The following OXR1 variants were observed in gnomAD, a reference collection of about 807,000 sequenced individuals.
OXR1 encodes the protein oxidation resistance 1, also known as oxidation resistance protein 1.
Under a neutral mutation model 104.6 loss-of-function variants are expected in OXR1, and 41 were observed. The ratio of observed to expected loss-of-function variants is 0.39; its 90% CI spans 0.31 to 0.51. The LOEUF is 0.51. Among genes scored for constraint, OXR1 ranks in the 20% least tolerant of loss-of-function variants. The probability of loss-of-function intolerance (pLI) is 0.77; values close to 1 mark genes in which losing one functional copy is unlikely to be tolerated. For synonymous variants in OXR1, 348 were observed against 348.4 expected (o/e 1.00, Z 0.01); for missense variants, 955 against 1,031.9 (o/e 0.93, Z 1.02).
chr8:106,718,585 A>G (rs1206974892), intron 11 of OXR1, among the ~76,000 whole-genome samples: 1 of 151,956 alleles, frequency 6.6e-6, no homozygotes, highest in Non-Finnish European at 1.5e-5. Context: ...CACGCCTGTA[A>G]TCCCAGCACT....
At chr8:106,738,942 C>T (rs938000164) in intron 12 of OXR1, among the ~76,000 whole-genome samples, 7 of 151,958 alleles carry the variant, frequency 4.6e-5, no homozygotes, top group Non-Finnish European at 1.0e-4. Context: ...CAAATACATG[C>T]ACAACTCACA....
chr8:106,492,994 C>T (rs1221801978), intron 2 of OXR1, among the ~76,000 whole-genome samples: 2 of 152,002 alleles, frequency 1.3e-5, no homozygotes, highest in Non-Finnish European at 2.9e-5. Context: ...TTCTGGAAAG[C>T]TGTAGTTATA....
chr8:106,347,237 A>G (rs927444136), intron 1 of OXR1, among the ~76,000 whole-genome samples: 6 of 152,216 alleles, frequency 3.9e-5, no homozygotes, highest in Admixed American at 6.5e-5. Flanking sequence ...TAAAGAAGAA[A>G]ACATTTTCCT....
chr8:106,646,501 A>T (rs920406835), intron 3 of OXR1, among the ~76,000 whole-genome samples: 2 of 152,220 alleles, frequency 1.3e-5, no homozygotes, highest in African/African-American at 4.8e-5. Flanking sequence ...AATAATTTCA[A>T]TAAAGTACTT....
At chr8:106,368,262 A>G (rs1442181323) in intron 2 of OXR1, among the ~76,000 whole-genome samples, 1 of 152,162 alleles carries the variant, frequency 6.6e-6, no homozygotes, top group African/African-American at 2.4e-5. Context: ...ATATAATAAA[A>G]AAAGAAAAGA....
chr8:106,685,020 T>C (rs1992356279), intron 6 of OXR1, among the ~76,000 whole-genome samples: 1 of 152,124 alleles, frequency 6.6e-6, no homozygotes, highest in Admixed American at 6.5e-5. Context: ...TTTTTCTGCA[T>C]GTGTGTGTGT....
chr8:106,589,141 G>C (rs146649891), intron 3 of OXR1, among the ~76,000 whole-genome samples: 2 of 152,294 alleles, frequency 1.3e-5, no homozygotes, highest in East Asian at 1.9e-4. Flanking sequence ...GGGAGAGAGC[G>C]AGCAGGTGCT....
chr8:106,702,972 C>A lies in OXR1; in HGVS notation c.742C>A (p.Pro248Thr). The A allele has an allele frequency of 6.2e-7, 1 of 1,613,450 alleles. No individual in the cohort carries two copies. The highest frequency in any genetic ancestry group is 8.5e-7 in the Non-Finnish European group (1 of 1,179,522). The stretch of plus-strand genomic sequence containing the variant: ...AATGTTTGATCCACATAAAAATGAC[C>A]CTTTGGTTCAAGAGAATGGCTGTGA... ...NIMFDPHKND[P>T]LVQENGCEEY... Residue 248 changes from proline (P) to threonine (T), a missense_variant, in exon 8 of 17, where the codon CCT becomes ACT. Coordinates refer to ENST00000517566, the MANE Select transcript of OXR1 (RefSeq NM_001198533.2).
chr8:106,702,280 TA>T (rs1314986897), intron 7 of OXR1, among the ~76,000 whole-genome samples: 5 of 152,138 alleles, frequency 3.3e-5, no homozygotes, highest in African/African-American at 1.2e-4. Context: ...TTTATATAAA[TA>T]TATTTAAAAT....
At chr8:106,491,733 T>C (rs1453225) in intron 2 of OXR1, among the ~76,000 whole-genome samples, 16,228 of 152,200 alleles carry the variant, frequency 0.11, 943 homozygotes, top group African/African-American at 0.14. Context: ...CTAATGTGTG[T>C]GACTTCTGGC....
intron 1 of OXR1, among the ~76,000 whole-genome samples, chr8:106,348,312 C>A (rs1029655217): frequency 6.6e-6 from 1 of 152,256 alleles, no homozygotes; most frequent in African/African-American, 2.4e-5. Flanking sequence ...AACACACACG[C>A]ACACACCCCT....
At chr8:106,295,363 G>C (rs1812949282) in intron 1 of OXR1, among the ~76,000 whole-genome samples, 1 of 151,986 alleles carries the variant, frequency 6.6e-6, no homozygotes, top group Non-Finnish European at 1.5e-5. Context: ...GGACATTATA[G>C]TATATATTGT....
intron 6 of OXR1, among the ~76,000 whole-genome samples, chr8:106,688,941 T>C (rs527675211): frequency 6.6e-6 from 1 of 152,228 alleles, no homozygotes; most frequent in South Asian, 2.1e-4. Flanking sequence ...TTATAGGAAC[T>C]AGGAAGTTTG....
chr8:106,270,537 G>A (rs1811752352), intron 1 of OXR1, among the ~76,000 whole-genome samples, 170 bp downstream of exon 1: 2 of 152,228 alleles, frequency 1.3e-5, no homozygotes, highest in Non-Finnish European at 2.9e-5. Flanking sequence ...TGGCCATTGG[G>A]ATGCTCGAGC....
At chr8:106,428,145 A>G (rs948485982) in intron 2 of OXR1, among the ~76,000 whole-genome samples, 3 of 152,194 alleles carry the variant, frequency 2.0e-5, no homozygotes, top group African/African-American at 7.2e-5. Context: ...GAAGAAATCT[A>G]GAACTGGGAA....
chr8:106,281,521 T>C (rs1812281222), intron 1 of OXR1, among the ~76,000 whole-genome samples: 1 of 152,122 alleles, frequency 6.6e-6, no homozygotes, highest in Non-Finnish European at 1.5e-5. Context: ...GACAGTTATA[T>C]GCCAGGTGCG....
In OXR1 at chr8:106,484,434, T is replaced by C. The variant is rs1423327171; in HGVS notation, c.24-34509T>C. Among the ~76,000 whole-genome samples the C allele has an allele frequency of 4.6e-5, 7 of 151,938 alleles. 1 individual carries two copies. The East Asian group carries it at 1.2e-3, about 25-fold the overall frequency. On this transcript the variant is annotated intron_variant, in intron 2 of 16. Transcript: ENST00000517566. ...CCATAAACATGTATTAATACAACTA[T>C]TATGTATTCATAATAATTAAAATCT...
At chr8:106,722,952 T>G (rs1832952512) in intron 11 of OXR1, among the ~76,000 whole-genome samples, 1 of 152,224 alleles carries the variant, frequency 6.6e-6, no homozygotes, top group South Asian at 2.1e-4. Context: ...TATGTTATCT[T>G]AAAGTTGTTA....
rs574365134 is a variant in OXR1 at position 106,416,727 on chromosome 8, G to A, written c.23+57091G>A. Among the ~76,000 whole-genome samples, 51 of 151,970 alleles carry A rather than the reference G, an allele frequency of 3.4e-4. 1 individual carries two copies. Among genetic ancestry groups the A allele is most frequent in the Non-Finnish European group, 6.6e-4 (45 of 67,974 alleles). ...GTGAGGTATGAAGCATATTTGGCCT[G>A]GTGAGAATGCATAAATCTGGCCAAT... On this transcript the variant is annotated intron_variant, in intron 2 of 16. Transcript: ENST00000517566.
Sources: allele counts gnomAD v4.1 joint callset (sites outside exome capture counted in the v4.1 genomes callset), GRCh38; gene constraint gnomAD v4.1.1; transcripts MANE v1.5; gene names NCBI Gene and HGNC (gene_info 2026-07-23, HGNC 2026-07-21).